ACTR3C: variants seen among roughly 807,000 people sequenced by gnomAD.
ACTR3C encodes the protein actin related protein 3C, also known as actin-related protein 3C.
A neutral mutation model predicts 26.3 loss-of-function variants in ACTR3C; 18 were observed. The ratio of observed to expected loss-of-function variants is 0.68; its 90% CI spans 0.47 to 1.01. The LOEUF (loss-of-function observed/expected upper bound fraction) is 1.01. Among genes scored for constraint, ACTR3C ranks in the 50% least tolerant of loss-of-function variants. The probability of loss-of-function intolerance (pLI) is 0.00; values close to 1 mark genes in which losing one functional copy is unlikely to be tolerated. For synonymous variants in ACTR3C, 55 were observed against 94.5 expected (o/e 0.58, Z 2.42); for missense variants, 184 against 250.7 (o/e 0.73, Z 1.80).
the ACTR3C span, among the ~76,000 whole-genome samples, chr7:150,006,862 G>C: frequency 6.6e-6 from 1 of 152,190 alleles, no homozygotes; most frequent in South Asian, 2.1e-4. Flanking sequence ...ACAAACCTTA[G>C]ATTTCAAAAC....
chr7:149,887,565 G>C, the ACTR3C span, among the ~76,000 whole-genome samples: 1 of 152,236 alleles, frequency 6.6e-6, no homozygotes, highest in Non-Finnish European at 1.5e-5. Context: ...CTGGCTCCCA[G>C]AGCTGCCCAT....
the ACTR3C span, among the ~76,000 whole-genome samples, chr7:149,985,235 C>CAT: frequency 6.6e-5 from 10 of 151,612 alleles, no homozygotes; most frequent in African/African-American, 2.4e-4. Flanking sequence ...CACACACACA[C>CAT]ACACACACAC....
the ACTR3C span, among the ~76,000 whole-genome samples, chr7:150,177,931 T>G: frequency 6.6e-6 from 1 of 150,856 alleles, no homozygotes; most frequent in Non-Finnish European, 1.5e-5. Flanking sequence ...GTAGGTAGCT[T>G]TATTATCCGT....
chr7:150,146,449 T>C, the ACTR3C span, among the ~76,000 whole-genome samples: 1 of 152,218 alleles, frequency 6.6e-6, no homozygotes, highest in Non-Finnish European at 1.5e-5. Context: ...ATTTTTCCTG[T>C]ATCATCTTTT....
chr7:149,945,607 G>T, the ACTR3C span, among the ~76,000 whole-genome samples: 1 of 152,108 alleles, frequency 6.6e-6, no homozygotes, highest in African/African-American at 2.4e-5. Flanking sequence ...CTGCTGAGAA[G>T]GTCTAGGGAG....
At chr7:150,033,538 A>G in the ACTR3C span, among the ~76,000 whole-genome samples, 117,993 of 150,334 alleles carry the variant, frequency 0.78, 45,741 homozygotes, top group African/African-American at 0.81. Context: ...GAGGATCCAC[A>G]ATGGGGGTCC....
At chr7:150,027,903 A>G in the ACTR3C span, among the ~76,000 whole-genome samples, 5 of 152,046 alleles carry the variant, frequency 3.3e-5, no homozygotes, top group African/African-American at 1.2e-4. Context: ...TTATTTTCAG[A>G]CTCTGGAGTC....
chr7:150,068,913 A>T, the ACTR3C span, among the ~76,000 whole-genome samples: 1 of 152,148 alleles, frequency 6.6e-6, no homozygotes, highest in Non-Finnish European at 1.5e-5. Context: ...GACTCCAGAA[A>T]TGCTAGATTC....
the ACTR3C span, among the ~76,000 whole-genome samples, chr7:149,963,062 G>A: frequency 6.6e-6 from 1 of 152,234 alleles, no homozygotes; most frequent in Non-Finnish European, 1.5e-5. Flanking sequence ...ATTAGCAGAG[G>A]CCATGGGGGG....
chr7:150,180,383 T>C, the ACTR3C span, among the ~76,000 whole-genome samples: 1 of 150,996 alleles, frequency 6.6e-6, no homozygotes, highest in South Asian at 2.1e-4. Flanking sequence ...AATTCATTTC[T>C]AGAATGTTTG....
chr7:150,149,838 A>G, the ACTR3C span, among the ~76,000 whole-genome samples: 1 of 152,168 alleles, frequency 6.6e-6, no homozygotes, highest in African/African-American at 2.4e-5. Flanking sequence ...ATTTGTTTAT[A>G]TATTTGCAAA....
the ACTR3C span, among the ~76,000 whole-genome samples, chr7:149,957,735 T>C: frequency 6.6e-6 from 1 of 150,610 alleles, no homozygotes; most frequent in Non-Finnish European, 1.5e-5. Context: ...CATAAGCGTA[T>C]GAGACAACTC....
intron 1 of ACTR3C, among the ~76,000 whole-genome samples, chr7:150,303,903 A>G (rs1795619511): frequency 6.6e-6 from 1 of 152,246 alleles, no homozygotes; most frequent in African/African-American, 2.4e-5. Flanking sequence ...AAACATTTTT[A>G]TTCATAACAA....
At chr7:149,958,856 G>A in the ACTR3C span, among the ~76,000 whole-genome samples, 4 of 152,202 alleles carry the variant, frequency 2.6e-5, 1 homozygote, top group South Asian at 6.2e-4. Context: ...AGGAACACTG[G>A]TCTATGTTTT....
At chr7:150,020,873 T>C in the ACTR3C span, among the ~76,000 whole-genome samples, 1 of 152,080 alleles carries the variant, frequency 6.6e-6, no homozygotes, top group African/African-American at 2.4e-5. Flanking sequence ...CAGGCTGGAG[T>C]GCATTGCCAC....
At chr7:150,100,409 C>T in the ACTR3C span, among the ~76,000 whole-genome samples, 2 of 151,702 alleles carry the variant, frequency 1.3e-5, no homozygotes, top group Non-Finnish European at 2.9e-5. Context: ...CTGAGTTTTA[C>T]AGGTTTTGGG....
chr7:150,322,065 T>C (rs1563218656), intron 1 of ACTR3C, among the ~76,000 whole-genome samples: 1 of 152,266 alleles, frequency 6.6e-6, no homozygotes, highest in African/African-American at 2.4e-5. Flanking sequence ...CATTTTGTGC[T>C]CGTCCAGGGA....
chr7:149,912,903 A>G, the ACTR3C span, among the ~76,000 whole-genome samples: 5 of 152,278 alleles, frequency 3.3e-5, no homozygotes, highest in Admixed American at 3.3e-4. Flanking sequence ...TCTTCAGATC[A>G]CTTTATTCTA....
intron 6 of ACTR3C, among the ~76,000 whole-genome samples, chr7:150,250,005 G>GCATCGCATGTGCATTGCA (rs914435579): frequency 1.3e-5 from 2 of 152,134 alleles, no homozygotes; most frequent in Non-Finnish European, 2.9e-5. Context: ...TGCTCTGCAT[G>GCATCGCATGTGCATTGCA]TCGCATGTGC....
Sources: gnomAD v4.1 joint callset for allele counts (sites outside exome capture counted in the v4.1 genomes callset) on GRCh38, gnomAD v4.1.1 for gene constraint, MANE v1.5 for transcripts, NCBI Gene and HGNC (gene_info 2026-07-23, HGNC 2026-07-21) for gene names.